BACH2: variants seen among roughly 807,000 people sequenced by gnomAD.
BACH2 encodes the protein transcription regulator protein BACH2.
Under a neutral mutation model 61.8 loss-of-function variants are expected in BACH2, and 5 were observed. The ratio of observed to expected loss-of-function variants is 0.08; its 90% CI spans 0.04 to 0.17. The LOEUF (loss-of-function observed/expected upper bound fraction) is 0.17. Among genes scored for constraint, BACH2 ranks in the 10% least tolerant of loss-of-function variants. The pLI is 1.00. For missense variants in BACH2, 824 were observed against 1,091.1 expected, an observed-to-expected ratio of 0.76 and a Z score of 3.45; for synonymous variants, 446 against 440.1, an observed-to-expected ratio of 1.01 and a Z score of -0.17.
intron 1 of BACH2, among the ~76,000 whole-genome samples, chr6:90,279,230 A>G (rs1400111404): frequency 2.0e-5 from 3 of 152,176 alleles, no homozygotes; most frequent in Non-Finnish European, 4.4e-5. Context: ...CTCTTAAAAA[A>G]AAAAGAATAC....
intron 4 of BACH2, among the ~76,000 whole-genome samples, chr6:90,193,693 A>T (rs1768655866): frequency 6.6e-6 from 1 of 152,256 alleles, no homozygotes; most frequent in Non-Finnish European, 1.5e-5. Context: ...CACTGGGCTG[A>T]GAGCTGAGCA....
chr6:90,009,160 T>C (rs963797084), intron 5 of BACH2, among the ~76,000 whole-genome samples: 2 of 152,170 alleles, frequency 1.3e-5, no homozygotes, highest in African/African-American at 4.8e-5. Context: ...TTAAAACACA[T>C]TGGTATTTTA....
chr6:90,210,454 A>G (rs1047970829), intron 3 of BACH2, among the ~76,000 whole-genome samples: 4 of 152,064 alleles, frequency 2.6e-5, no homozygotes, highest in African/African-American at 9.7e-5. Flanking sequence ...AACCAAAAAG[A>G]CTGGCCTTGT....
chr6:90,097,608 A>G (rs150273348), intron 4 of BACH2, among the ~76,000 whole-genome samples: 1 of 152,198 alleles, frequency 6.6e-6, no homozygotes, highest in Non-Finnish European at 1.5e-5. Context: ...TTCTTGCCTC[A>G]AAGGGTAAGT....
chr6:90,195,188 T>C lies in BACH2; in HGVS notation c.-162+11381A>G, dbSNP rs997653231. On this transcript the variant is annotated intron_variant, in intron 4 of 8. Transcript: ENST00000257749. ...GCTTCTCCTGCTGCTTTTCCTCACCTCCCCCCTCCCCCATCTCTTTTCCTC... is the reference window on the plus strand; with the variant it reads ...GCTTCTCCTGCTGCTTTTCCTCACCCCCCCCCTCCCCCATCTCTTTTCCTC... Among the ~76,000 whole-genome samples, 18 of 152,082 alleles carry C rather than the reference T, an allele frequency of 1.2e-4. No individual in the cohort carries two copies. In the East Asian group the frequency reaches 1.4e-3, roughly 11 times the overall value.
intron 5 of BACH2, among the ~76,000 whole-genome samples, chr6:90,013,743 T>C (rs1272353362): frequency 1.3e-5 from 2 of 152,104 alleles, no homozygotes; most frequent in East Asian, 1.9e-4. Context: ...CTCCTGACTT[T>C]GTGATCCCCC....
In BACH2 at chr6:90,086,734, C is replaced by T. The variant is rs142262950; in HGVS notation, c.-13+2227G>A. Among the ~76,000 whole-genome samples, 718 of 152,314 alleles carry T rather than the reference C, an allele frequency of 4.7e-3. 5 individuals are homozygous for T. The highest frequency in any genetic ancestry group is 0.017 in the African/African-American group (689 of 41,566). On this transcript the variant is annotated intron_variant, in intron 5 of 8. Coordinates refer to ENST00000257749, the MANE Select transcript of BACH2 (RefSeq NM_021813.4). ...CAGCAAAGGTCATCCCACAGGAACACTGGATGTGTAAACGTGGAGATCTGC... is the reference window on the plus strand; with the variant it reads ...CAGCAAAGGTCATCCCACAGGAACATTGGATGTGTAAACGTGGAGATCTGC...
At chr6:90,153,851 A>T (rs541882723) in intron 4 of BACH2, among the ~76,000 whole-genome samples, 1 of 152,350 alleles carries the variant, frequency 6.6e-6, no homozygotes, top group African/African-American at 2.4e-5. Flanking sequence ...GGTTCGTAAG[A>T]CAAATTTTGA....
intron 3 of BACH2, among the ~76,000 whole-genome samples, chr6:90,245,780 CAA>C: frequency 6.6e-6 from 1 of 152,152 alleles, no homozygotes; most frequent in East Asian, 1.9e-4. Flanking sequence ...GAATTTGAAA[CAA>C]GAGAAGTCTG....
intron 3 of BACH2, among the ~76,000 whole-genome samples, chr6:90,207,938 C>T (rs1448579847): frequency 6.6e-6 from 1 of 152,184 alleles, no homozygotes; most frequent in African/African-American, 2.4e-5. Flanking sequence ...CTACTCCATG[C>T]ACATTACTAT....
intron 5 of BACH2, among the ~76,000 whole-genome samples, chr6:90,058,738 A>C (rs1244144205): frequency 6.6e-6 from 1 of 152,230 alleles, no homozygotes; most frequent in Non-Finnish European, 1.5e-5. Flanking sequence ...ACAAGGCTAC[A>C]GTAACCAAAA....
chr6:90,053,093 GA>G (rs1780136315), intron 5 of BACH2, among the ~76,000 whole-genome samples: 1 of 151,984 alleles, frequency 6.6e-6, no homozygotes, highest in Non-Finnish European at 1.5e-5. Context: ...AACCCCTTCA[GA>G]ACAACAAAAG....
chr6:90,183,773 T>C (rs1217755271), intron 4 of BACH2, among the ~76,000 whole-genome samples: 1 of 152,170 alleles, frequency 6.6e-6, no homozygotes, highest in Non-Finnish European at 1.5e-5. Flanking sequence ...GCTGTCAAGG[T>C]TTACTAAGCT....
chr6:89,980,017 G>A (rs984459701), intron 6 of BACH2, among the ~76,000 whole-genome samples: 2 of 152,164 alleles, frequency 1.3e-5, no homozygotes, highest in Non-Finnish European at 2.9e-5. Flanking sequence ...TAGAGGCCAG[G>A]CGTGGTGGCT....
At chr6:89,960,052 C>T (rs1774654573) in intron 6 of BACH2, among the ~76,000 whole-genome samples, 1 of 152,192 alleles carries the variant, frequency 6.6e-6, no homozygotes, top group South Asian at 2.1e-4. Context: ...AGCTGCAGCT[C>T]CCGAGGCACC....
intron 4 of BACH2, among the ~76,000 whole-genome samples, chr6:90,175,499 A>G (rs1384591601): frequency 6.6e-6 from 1 of 152,168 alleles, no homozygotes; most frequent in Non-Finnish European, 1.5e-5. Context: ...TTGACTTCTC[A>G]TATTAAAAAC....
At chr6:90,042,063 C>G (rs983292207) in intron 5 of BACH2, among the ~76,000 whole-genome samples, 5 of 152,230 alleles carry the variant, frequency 3.3e-5, no homozygotes, top group African/African-American at 1.2e-4. Flanking sequence ...CACACTGACA[C>G]ACTGACACAG....
intron 6 of BACH2, among the ~76,000 whole-genome samples, chr6:89,973,224 A>T (rs184734618): frequency 5.3e-5 from 8 of 151,908 alleles, no homozygotes; most frequent in Non-Finnish European, 2.9e-5. Flanking sequence ...CAACACTGAG[A>T]CCCCATCTCT....
Position 90,024,166 on chromosome 6 carries a change from C to T in BACH2, c.-12-15310G>A, listed in dbSNP as rs116784198. ...CTATATATATATATATCCCAGCTCC[C>T]CCAAATTAAAGACTGTAGGAGAATG... is the stretch of plus-strand genomic sequence containing the variant. On this transcript the variant is annotated intron_variant, in intron 5 of 8. Coordinates refer to ENST00000257749, the MANE Select transcript of BACH2 (RefSeq NM_021813.4). Among the ~76,000 whole-genome samples, 531 of 152,168 alleles carry T rather than the reference C, an allele frequency of 3.5e-3. 1 individual carries two copies. Among genetic ancestry groups the T allele is most frequent in the African/African-American group, 0.012 (506 of 41,512 alleles).
Sources: gnomAD v4.1 joint callset for allele counts (sites outside exome capture counted in the v4.1 genomes callset) on GRCh38, gnomAD v4.1.1 for gene constraint, MANE v1.5 for transcripts, NCBI Gene and HGNC (gene_info 2026-07-23, HGNC 2026-07-21) for gene names.